The following STEAP1B variants were observed in gnomAD, a reference collection of about 807,000 sequenced individuals.
The protein encoded by STEAP1B is STEAP family protein MGC87042.
A neutral mutation model predicts 27.9 loss-of-function variants in STEAP1B; 13 were observed. The ratio of observed to expected loss-of-function variants is 0.47; its 90% CI spans 0.30 to 0.74. The LOEUF is 0.74. Among genes scored for constraint, STEAP1B ranks in the 30% least tolerant of loss-of-function variants. The pLI, the probability that STEAP1B is intolerant of heterozygous loss-of-function variation, is 0.06. For missense variants in STEAP1B, 250 were observed against 298.7 expected, an observed-to-expected ratio of 0.84 and a Z score of 1.20; for synonymous variants, 86 against 107.1, an observed-to-expected ratio of 0.80 and a Z score of 1.22.
intron 4 of STEAP1B, among the ~76,000 whole-genome samples, chr7:22,482,614 C>T (rs1426653496): frequency 6.6e-6 from 1 of 152,170 alleles, no homozygotes; most frequent in Non-Finnish European, 1.5e-5. Flanking sequence ...CAGTCACTGG[C>T]CAATCTGCCC....
chr7:22,478,110 C>T (rs1003582261), intron 4 of STEAP1B, among the ~76,000 whole-genome samples: 2 of 152,160 alleles, frequency 1.3e-5, no homozygotes, highest in Non-Finnish European at 2.9e-5. Context: ...AAGACTCAGG[C>T]CCAGACAGGT....
chr7:22,469,704 CAT>C (rs1327132699), intron 4 of STEAP1B, among the ~76,000 whole-genome samples: 1 of 152,146 alleles, frequency 6.6e-6, no homozygotes, highest in Non-Finnish European at 1.5e-5. Flanking sequence ...AGATAGCCTA[CAT>C]GTATAATAGG....
intron 4 of STEAP1B, among the ~76,000 whole-genome samples, chr7:22,480,883 G>GC (rs1375670700): frequency 6.6e-6 from 1 of 152,194 alleles, no homozygotes; most frequent in Non-Finnish European, 1.5e-5. Flanking sequence ...CAGAAGCCTG[G>GC]CGCAGGTCCA....
intron 4 of STEAP1B, among the ~76,000 whole-genome samples, chr7:22,444,363 G>A (rs938454390): frequency 4.6e-5 from 7 of 152,004 alleles, no homozygotes; most frequent in Non-Finnish European, 8.8e-5. Context: ...GGCTCTAGCC[G>A]TTACCCTGAC....
At chr7:22,486,867 C>T (rs1786218541) in intron 4 of STEAP1B, among the ~76,000 whole-genome samples, 1 of 152,092 alleles carries the variant, frequency 6.6e-6, no homozygotes, top group African/African-American at 2.4e-5. Flanking sequence ...ATGATGACAT[C>T]CCACACTCTC....
chr7:22,469,819 CA>C (rs1562578263), intron 4 of STEAP1B, among the ~76,000 whole-genome samples: 8 of 152,290 alleles, frequency 5.3e-5, no homozygotes, highest in African/African-American at 1.9e-4. Flanking sequence ...TTAAGTGATG[CA>C]TGAGTGCATA....
intron 4 of STEAP1B, among the ~76,000 whole-genome samples, chr7:22,428,267 G>A (rs769380415): frequency 6.6e-6 from 1 of 152,160 alleles, no homozygotes; most frequent in Non-Finnish European, 1.5e-5. Context: ...TATCAATTAC[G>A]AGTGTTATGC....
At position 22,438,862 on chromosome 7, in the gene STEAP1B, T is replaced by C. The variant is rs1785290402; in HGVS notation, c.763-19026A>G. On this transcript the variant is annotated intron_variant, in intron 4 of 4. Coordinates refer to ENST00000678116, the MANE Select transcript of STEAP1B (RefSeq NM_001382447.1). ...AGAAAACTGAATACTCTCCTTCATTTATAAAATGGGATAAAATCTCAACTA... is the reference window on the plus strand; with the variant it reads ...AGAAAACTGAATACTCTCCTTCATTCATAAAATGGGATAAAATCTCAACTA... 1.2e-5 allele frequency: 15 copies of C among 1,260,594 alleles called. No individual in the cohort carries two copies. The East Asian group carries it at 3.9e-4, about 33-fold the overall frequency. The allele number at this position is 1,260,594 out of a possible 1,614,324, so 78.1% of individuals were successfully genotyped here.
chr7:22,491,661 G>T (rs993237272), intron 4 of STEAP1B, among the ~76,000 whole-genome samples: 1 of 152,184 alleles, frequency 6.6e-6, no homozygotes, highest in African/African-American at 2.4e-5. Context: ...TAGGAAGAAA[G>T]TGAGTAAATT....
At chr7:22,499,976 G>C (rs1206835969) in intron 1 of STEAP1B, 138 bp downstream of exon 1, 2 of 152,474 alleles carry the variant, frequency 1.3e-5, no homozygotes, top group African/African-American at 4.8e-5. Context: ...TCGCCCAGGA[G>C]GGCCGCCGTC....
In STEAP1B at chr7:22,492,633, G is replaced by C. The variant is rs1268563129; in HGVS notation, c.694C>G (p.Leu232Val). Residue 232 changes from leucine (L) to valine (V), a missense_variant, in exon 4 of 5, where the codon CTG (leucine) becomes GTG (valine). Transcript: ENST00000678116. ...GATGGAATAGATGTCACAGCCAACAGAGCCAGTATTGCCAGTCCCACAATT... is the reference window on the plus strand; with the variant it reads ...GATGGAATAGATGTCACAGCCAACACAGCCAGTATTGCCAGTCCCACAATT... ...LGIVGLAILA[L>V]LAVTSIPSVS... The C allele has an allele frequency of 6.2e-7, 1 of 1,613,514 alleles. No homozygotes were observed. Among genetic ancestry groups the C allele is most frequent in the African/African-American group, 1.3e-5 (1 of 74,868 alleles).
chr7:22,454,260 G>T (rs1399755174), intron 4 of STEAP1B, among the ~76,000 whole-genome samples: 1 of 152,126 alleles, frequency 6.6e-6, no homozygotes, highest in Non-Finnish European at 1.5e-5. Flanking sequence ...CCTGCCTCAG[G>T]CCTAATCCAT....
chr7:22,473,125 T>G (rs17146940), intron 4 of STEAP1B, among the ~76,000 whole-genome samples: 4,408 of 151,958 alleles, frequency 0.029, 207 homozygotes, highest in African/African-American at 0.1. Context: ...CGTGATGCAT[T>G]ACCGCACTGA....
rs146447808 is a variant in STEAP1B, at chr7:22,493,731, C to T, written c.190G>A (p.Ala64Thr). ...TGCCACTGTGGAAAGAGTTCCTGTG[C>T]GTGCTGAAGTTCTGAAGGGCAGTCA... is the stretch of plus-strand genomic sequence containing the variant. ...EFDCPSELQH[A>T]QELFPQWHLP... Residue 64 changes from alanine (A) to threonine (T), a missense_variant, in exon 3 of 5, where the codon GCA becomes ACA. Transcript: ENST00000678116. 0.084 allele frequency: 135,027 copies of T among 1,601,796 alleles called. 6,680 individuals are homozygous for T. Among genetic ancestry groups the T allele is most frequent in the Non-Finnish European group, 0.092 (107,642 of 1,169,200 alleles).
chr7:22,426,972 G>A (rs541530605), intron 4 of STEAP1B, among the ~76,000 whole-genome samples: 138 of 152,322 alleles, frequency 9.1e-4, no homozygotes, highest in African/African-American at 3.2e-3. Context: ...CTTGAAGGAA[G>A]TGAGAAAGTG....
At chr7:22,438,039 T>C (rs187080433) in intron 4 of STEAP1B, among the ~76,000 whole-genome samples, 17 of 152,314 alleles carry the variant, frequency 1.1e-4, no homozygotes, top group African/African-American at 3.8e-4. Flanking sequence ...TGCAAATACT[T>C]TCTTCCATTC....
rs1157661730 is a variant in STEAP1B at position 22,419,829 on chromosome 7, C to A, written c.770G>T (p.Gly257Val). Residue 257 changes from glycine to valine, a missense_variant, in exon 5 of 5, where the codon GGT (glycine) becomes GTT (valine). Coordinates refer to ENST00000678116, the MANE Select transcript of STEAP1B (RefSeq NM_001382447.1). ...TCACAAGGTCAGGAAGTTGATCCTA[C>A]CATGTACCTGGAAGGCAGACAGCAA... The part of the protein sequence containing the change: ...WREFHYIQVH[G>V]RINFLTL 2 of 1,549,872 alleles carry A rather than the reference C, an allele frequency of 1.3e-6. No homozygotes were observed. Among genetic ancestry groups the A allele is most frequent in the South Asian group, 1.2e-5 (1 of 83,604 alleles).
intron 4 of STEAP1B, among the ~76,000 whole-genome samples, chr7:22,482,378 T>C (rs1011494155): frequency 6.6e-6 from 1 of 152,176 alleles, no homozygotes; most frequent in Non-Finnish European, 1.5e-5. Flanking sequence ...ATGGCCTAAG[T>C]TGTTTATGGG....
Position 22,464,949 on chromosome 7 carries a change from A to ATATATATATATATATATATG in STEAP1B, c.762+27615_762+27616insCATATATATATATATATATA, listed in dbSNP as rs377200660. Among the ~76,000 whole-genome samples, 96 of 47,932 alleles carry ATATATATATATATATATATG rather than the reference A, an allele frequency of 2.0e-3. 17 individuals carry two copies. The highest frequency in any genetic ancestry group is 8.6e-3 in the South Asian group (12 of 1,388). 31.4% of individuals were successfully genotyped at this position (47,932 alleles called of 152,430 possible). A position where few individuals can be genotyped will look rare whatever the true frequency, so the allele number is the denominator to read the frequency against. On this transcript the variant is annotated intron_variant, in intron 4 of 4. Coordinates refer to ENST00000678116, the MANE Select transcript of STEAP1B (RefSeq NM_001382447.1). ...GAAACCACAGACAGTACCAAACCCC[A>ATATATATATATATATATATG]TATATATATATATATGTAGGCACAA...
Sources: gnomAD v4.1 joint callset for allele counts (sites outside exome capture counted in the v4.1 genomes callset) on GRCh38, gnomAD v4.1.1 for gene constraint, MANE v1.5 for transcripts, NCBI Gene and HGNC (gene_info 2026-07-23, HGNC 2026-07-21) for gene names.